The following CENPW variants were observed in gnomAD, a reference collection of about 807,000 sequenced individuals.
The protein encoded by CENPW is cancer-up-regulated gene 2 protein.
In CENPW, 3 loss-of-function variants were observed where a neutral mutation model predicts 11.1. That is an observed-to-expected ratio of 0.27 (90% confidence interval 0.12 to 0.70). The LOEUF (loss-of-function observed/expected upper bound fraction) is 0.70, where lower values mean the gene tolerates loss of function less well. Ranked by LOEUF, CENPW falls within the 30% of genes least tolerant of loss-of-function variation. CENPW has a pLI of 0.77. For synonymous variants in CENPW, 38 were observed against 42.0 expected (o/e 0.91, Z 0.37); for missense variants, 100 against 105.6 (o/e 0.95, Z 0.23).
chr6:126,467,949 A>C, the CENPW span, among the ~76,000 whole-genome samples: 1 of 152,194 alleles, frequency 6.6e-6, no homozygotes, highest in African/African-American at 2.4e-5. Flanking sequence ...CAAACTTGTA[A>C]CTGCAATATA....
chr6:126,345,036 TG>T (rs1408608782), intron 1 of CENPW, among the ~76,000 whole-genome samples: 4 of 152,068 alleles, frequency 2.6e-5, no homozygotes, highest in African/African-American at 9.7e-5. Flanking sequence ...GGGGAAGATA[TG>T]TGCAATAATA....
chr6:126,415,065 A>G, the CENPW span, among the ~76,000 whole-genome samples: 1 of 152,142 alleles, frequency 6.6e-6, no homozygotes, highest in Non-Finnish European at 1.5e-5. Context: ...AACTGAACAG[A>G]TCAATAAGAA....
the CENPW span, among the ~76,000 whole-genome samples, chr6:126,474,531 G>T: frequency 5.9e-5 from 9 of 152,084 alleles, no homozygotes; most frequent in East Asian, 1.7e-3. Context: ...GTTCCCAAAA[G>T]AGTTATTAGG....
At chr6:126,359,151 A>G in the CENPW span, among the ~76,000 whole-genome samples, 1 of 151,966 alleles carries the variant, frequency 6.6e-6, no homozygotes, top group Admixed American at 6.6e-5. Flanking sequence ...AATTTCAAAA[A>G]ATATTTTGAT....
chr6:126,397,147 C>A, the CENPW span, among the ~76,000 whole-genome samples: 1 of 152,074 alleles, frequency 6.6e-6, no homozygotes, highest in Non-Finnish European at 1.5e-5. Context: ...GTCCTTGTGG[C>A]CTAGACTGCC....
chr6:126,427,000 T>A, the CENPW span, among the ~76,000 whole-genome samples: 1 of 152,160 alleles, frequency 6.6e-6, no homozygotes, highest in African/African-American at 2.4e-5. Context: ...TTTCAGTATA[T>A]CTTTTCCGAC....
At chr6:126,464,075 T>G in the CENPW span, among the ~76,000 whole-genome samples, 1 of 152,072 alleles carries the variant, frequency 6.6e-6, no homozygotes, top group African/African-American at 2.4e-5. Flanking sequence ...TAAACAAAAT[T>G]TTACCAAAAT....
intron 1 of CENPW, among the ~76,000 whole-genome samples, chr6:126,340,646 C>T (rs1028234452): frequency 5.9e-5 from 9 of 152,154 alleles, no homozygotes; most frequent in Admixed American, 1.3e-4. Context: ...GACTGTTAGT[C>T]ACATGAGCTT....
the CENPW span, among the ~76,000 whole-genome samples, chr6:126,379,104 G>A: frequency 6.6e-6 from 1 of 152,032 alleles, no homozygotes; most frequent in Non-Finnish European, 1.5e-5. Flanking sequence ...ACTTAATGCT[G>A]AAAAATTAGT....
the CENPW span, among the ~76,000 whole-genome samples, chr6:126,396,380 G>T: frequency 4.6e-5 from 7 of 152,062 alleles, no homozygotes; most frequent in Non-Finnish European, 1.0e-4. Context: ...ATGTTTACTC[G>T]AGGCTTAAGT....
chr6:126,457,450 T>G, the CENPW span, among the ~76,000 whole-genome samples: 1 of 151,302 alleles, frequency 6.6e-6, no homozygotes, highest in Non-Finnish European at 1.5e-5. Context: ...CTAAACAAAC[T>G]AACGCGGGAG....
chr6:126,383,045 G>T, the CENPW span, among the ~76,000 whole-genome samples: 20 of 152,262 alleles, frequency 1.3e-4, no homozygotes, highest in African/African-American at 4.8e-4. Context: ...TATCTACAAA[G>T]GGAAGTCAGT....
chr6:126,349,643 G>A (rs144540557), downstream of CENPW, among the ~76,000 whole-genome samples: 1,299 of 152,014 alleles, frequency 8.5e-3, 15 homozygotes, highest in African/African-American at 0.03. Context: ...AGTTTGTTCC[G>A]TTTTATTACT....
At chr6:126,428,304 A>C in the CENPW span, among the ~76,000 whole-genome samples, 1 of 152,182 alleles carries the variant, frequency 6.6e-6, no homozygotes, top group Non-Finnish European at 1.5e-5. Context: ...GAAGTGTTTA[A>C]ATATCATTAA....
At chr6:126,405,441 G>T in the CENPW span, among the ~76,000 whole-genome samples, 1 of 152,000 alleles carries the variant, frequency 6.6e-6, no homozygotes, top group Non-Finnish European at 1.5e-5. Context: ...GTAGTGTGAT[G>T]CCTCCAGCTT....
At chr6:126,404,578 A>G in the CENPW span, among the ~76,000 whole-genome samples, 4 of 152,054 alleles carry the variant, frequency 2.6e-5, no homozygotes, top group African/African-American at 7.2e-5. Context: ...TTTTTTGAGA[A>G]ACCTCCATAC....
At chr6:126,466,661 T>G in the CENPW span, among the ~76,000 whole-genome samples, 1 of 152,130 alleles carries the variant, frequency 6.6e-6, no homozygotes, top group Non-Finnish European at 1.5e-5. Context: ...ATATATTCCT[T>G]TGGGTTTTAC....
chr6:126,369,179 C>T, the CENPW span, among the ~76,000 whole-genome samples: 1 of 151,998 alleles, frequency 6.6e-6, no homozygotes, highest in Non-Finnish European at 1.5e-5. Flanking sequence ...TTTCTTTACC[C>T]ACTCGTTGAT....
At chr6:126,367,911 G>A in the CENPW span, among the ~76,000 whole-genome samples, 2 of 152,212 alleles carry the variant, frequency 1.3e-5, no homozygotes, top group Non-Finnish European at 2.9e-5. Context: ...TTAACCAGTT[G>A]AGGGTAAACA....
Sources: allele counts gnomAD v4.1 joint callset (sites outside exome capture counted in the v4.1 genomes callset), GRCh38; gene constraint gnomAD v4.1.1; transcripts MANE v1.5; gene names NCBI Gene and HGNC (gene_info 2026-07-23, HGNC 2026-07-21).